KLHL36: variants seen among roughly 807,000 people sequenced by gnomAD.
The protein encoded by KLHL36 is kelch like family member 36, also known as kelch-like protein 36.
A neutral mutation model predicts 53.3 loss-of-function variants in KLHL36; 35 were observed. The ratio of observed to expected loss-of-function variants is 0.66; its 90% CI spans 0.50 to 0.87. KLHL36 has a LOEUF of 0.87. KLHL36 is among the 40% of genes least tolerant of loss of function. The pLI, the probability that KLHL36 is intolerant of heterozygous loss-of-function variation, is 0.00. For missense variants in KLHL36, 864 were observed against 897.6 expected, an observed-to-expected ratio of 0.96 and a Z score of 0.48; for synonymous variants, 472 against 398.9, an observed-to-expected ratio of 1.18 and a Z score of -2.18.
intron 3 of KLHL36, chr16:84,659,504 GT>G: frequency 2.2e-6 from 1 of 450,154 alleles, no homozygotes; most frequent in Non-Finnish European, 4.0e-6. Context: ...AAGTTCGGGG[GT>G]TCAGAGCATC....
chr16:84,664,577 GA>G lies in KLHL36; in HGVS notation c.*2445del, dbSNP rs1907737601. 6.6e-6 allele frequency: 1 copy of G among 152,182 alleles called. No individual in the cohort carries two copies. The highest frequency in any genetic ancestry group is 2.1e-4 in the South Asian group (1 of 4,824). The allele number at this position is 152,182 out of a possible 1,614,324, so 9.4% of individuals were successfully genotyped here. ...GGTGGTTTGTAATTGACATGGCTTT[GA>G]CCCTAATATTACTAAGGTTGGGACC... On this transcript the variant is annotated 3_prime_UTR_variant, in exon 5 of 5. Transcript: ENST00000564996.
Position 84,665,578 on chromosome 16 carries a change from A to C in KLHL36, c.*3445A>C, listed in dbSNP as rs909824830. 6.6e-6 allele frequency: 1 copy of C among 152,180 alleles called. No individual in the cohort carries two copies. The highest frequency in any genetic ancestry group is 2.4e-5 in the African/African-American group (1 of 41,422). 9.4% of individuals were successfully genotyped at this position (152,180 alleles called of 1,614,324 possible). On this transcript the variant is annotated 3_prime_UTR_variant, in exon 5 of 5. Coordinates refer to ENST00000564996, the MANE Select transcript of KLHL36 (RefSeq NM_024731.4). ...TTGAGGCTATCAAGTGGGACTTCAG[A>C]CCTGGCTCTGAGCAGGACCACACGT...
Position 84,661,528 on chromosome 16 carries a change from C to A in KLHL36, c.1296-50C>A. The A allele has an allele frequency of 6.6e-7, 1 of 1,523,188 alleles. No individual in the cohort carries two copies. Among genetic ancestry groups the A allele is most frequent in the Non-Finnish European group, 8.8e-7 (1 of 1,130,200 alleles). The allele number at this position is 1,523,188 out of a possible 1,614,324, so 94.4% of individuals were successfully genotyped here. ...TGTTCCCCGGCTCGGAGGGGGTAAG[C>A]CTGGCACAGCCCTGAGCTCTCCCTC... On this transcript the variant is annotated intron_variant, in intron 4 of 4. Transcript: ENST00000564996. This position sits in a 1 kb window ranked among gnomAD's most constrained non-coding sequence, Gnocchi z 7.9.
Position 84,662,126 on chromosome 16 carries a change from G to A in KLHL36, c.1844G>A (p.Gly615Asp), listed in dbSNP as rs762357606. The A allele has an allele frequency of 2.6e-6, 4 of 1,538,084 alleles. No individual in the cohort carries two copies. The highest frequency in any genetic ancestry group is 2.4e-5 in the South Asian group (2 of 83,930). The change falls in exon 5 of 5, where the codon GGC (glycine) becomes GAC (aspartate). Residue 615 changes from glycine (G) to aspartate (D), a missense_variant. Physicochemically the swap from Gly to Asp is moderately conservative, Grantham distance 94. Transcript: ENST00000564996. Reference sequence around the variant, plus strand: ...AAAGGCAAGAGGCACCAGGACCGGGGCCAGTGACCCTAGCTGCGCCTCTTG... The same window carrying A: ...AAAGGCAAGAGGCACCAGGACCGGGACCAGTGACCCTAGCTGCGCCTCTTG... ...KGKGKRHQDR[G>D]Q is the part of the protein sequence containing the mutation.
At position 84,662,115 on chromosome 16, in the gene KLHL36, C is replaced by A; in HGVS notation, c.1833C>A (p.His611Gln). 6.4e-7 allele frequency: 1 copy of A among 1,551,402 alleles called. No homozygotes were observed. Among genetic ancestry groups the A allele is most frequent in the African/African-American group, 1.3e-5 (1 of 74,380 alleles). The part of the protein sequence containing the change: ...DKKKKGKGKR[H>Q]QDRGQ ...AGAAGAAAGGCAAAGGCAAGAGGCACCAGGACCGGGGCCAGTGACCCTAGC... is the reference window on the plus strand; with the variant it reads ...AGAAGAAAGGCAAAGGCAAGAGGCAACAGGACCGGGGCCAGTGACCCTAGC... Residue 611 changes from histidine to glutamine, a missense_variant, in exon 5 of 5, where the codon CAC becomes CAA. Transcript: ENST00000564996.
At chr16:84,650,057 A>ATGG (rs1359366526) in intron 1 of KLHL36, among the ~76,000 whole-genome samples, 1 of 149,360 alleles carries the variant, frequency 6.7e-6, no homozygotes, top group Non-Finnish European at 1.5e-5. Flanking sequence ...AGTTAAGAGC[A>ATGG]TGGGCGCTTC....
chr16:84,652,029 T>A (rs550882058), intron 2 of KLHL36, among the ~76,000 whole-genome samples: 1 of 152,322 alleles, frequency 6.6e-6, no homozygotes, highest in East Asian at 1.9e-4. Flanking sequence ...TGACCTCCTG[T>A]TCTCACGTGA....
At chr16:84,655,185 G>A (rs1907129247) in intron 2 of KLHL36, among the ~76,000 whole-genome samples, 1 of 152,200 alleles carries the variant, frequency 6.6e-6, no homozygotes, top group African/African-American at 2.4e-5. Context: ...TCCACAGGCT[G>A]TGAGAATGTG....
rs116680199 is a variant in KLHL36, at chr16:84,657,488, C to G, written c.681C>G (p.His227Gln). 2.5e-6 allele frequency: 4 copies of G among 1,607,924 alleles called. No homozygotes were observed. In the African/African-American group the frequency reaches 4.0e-5, roughly 16 times the overall value. ...WLTQQPEREA[H>Q]ARQVLENIHF... ...CGCAGCAGCCCGAGCGCGAGGCCCA[C>G]GCCCGCCAGGTGCTGGAGAACATCC... The change falls in exon 3 of 5, where the codon CAC becomes CAG. Residue 227 changes from histidine to glutamine, a missense_variant. Physicochemically the swap from His to Gln is conservative, Grantham distance 24. Transcript: ENST00000564996.
chr16:84,661,932 C>T lies in KLHL36; in HGVS notation c.1650C>T (p.Ile550=). The T allele has an allele frequency of 5.6e-6, 9 of 1,601,158 alleles. No individual in the cohort carries two copies. Among genetic ancestry groups the T allele is most frequent in the Non-Finnish European group, 7.7e-6 (9 of 1,173,624 alleles). Residue 550 remains isoleucine, a synonymous_variant, in exon 5 of 5, where the codon ATC becomes ATT. Coordinates refer to ENST00000564996, the MANE Select transcript of KLHL36 (RefSeq NM_024731.4). The surrounding 1 kb of genome is among the most constrained non-coding windows in gnomAD (Gnocchi z 7.9). ...CAGTGTGGGAGGGCCGCATCTACATCCTGGGCGGCTACAGCTGGGAGAACA... is the reference window on the plus strand; with the variant it reads ...CAGTGTGGGAGGGCCGCATCTACATTCTGGGCGGCTACAGCTGGGAGAACA... ...GVAVWEGRIY[I]LGGYSWENTA... is the part of the protein sequence containing the mutation.
Position 84,657,485 on chromosome 16 carries a change from C to T in KLHL36, c.678C>T (p.Ala226=). The change falls in exon 3 of 5, where the codon GCC becomes GCT. Residue 226 remains alanine (A), a synonymous_variant. Transcript: ENST00000564996. ...TGACGCAGCAGCCCGAGCGCGAGGC[C>T]CACGCCCGCCAGGTGCTGGAGAACA... The part of the protein sequence containing the change: ...QWLTQQPERE[A]HARQVLENIH... The T allele has an allele frequency of 6.2e-7, 1 of 1,607,784 alleles. No homozygotes were observed. Among genetic ancestry groups the T allele is most frequent in the Non-Finnish European group, 8.5e-7 (1 of 1,179,862 alleles).
rs545906423 is a variant in KLHL36, at chr16:84,651,370, G to C, written c.63+440G>C. 3.9e-5 allele frequency among the ~76,000 whole-genome samples: 6 copies of C among 152,206 alleles called. No individual in the cohort carries two copies. In the East Asian group the frequency reaches 1.2e-3, roughly 29 times the overall value. ...CCAAGGGCCTGGAGTCGTCTTCCCT[G>C]GTCATGATTCCCTGCGACCTAAGAG... On this transcript the variant is annotated intron_variant, in intron 2 of 4. Transcript: ENST00000564996.
chr16:84,650,939 A>G lies in KLHL36; in HGVS notation c.63+9A>G. On this transcript the variant is annotated intron_variant, in intron 2 of 4. Transcript: ENST00000564996. ...TCAGCGAATCATCAAAGGTCTGTGA[A>G]TGTTCACTCACCACCTATGCAAATT... 6.2e-7 allele frequency: 1 copy of G among 1,606,502 alleles called. No homozygotes were observed. The highest frequency in any genetic ancestry group is 8.5e-7 in the Non-Finnish European group (1 of 1,176,474).
intron 4 of KLHL36, among the ~76,000 whole-genome samples, chr16:84,660,448 G>T (rs376306663): frequency 1.3e-5 from 2 of 152,100 alleles, no homozygotes; most frequent in Admixed American, 6.5e-5. Context: ...TCTCCCCTGC[G>T]TTCCGATGTG....
chr16:84,650,715 T>C (rs1382205233), intron 1 of KLHL36, 137 bp from the exon 2 acceptor site: 1 of 623,630 alleles, frequency 1.6e-6, no homozygotes, highest in African/African-American at 1.9e-5. Flanking sequence ...GAGTTCTTTG[T>C]AGTGCACGGT....
At chr16:84,651,280 G>A (rs1906859191) in intron 2 of KLHL36, among the ~76,000 whole-genome samples, 1 of 152,142 alleles carries the variant, frequency 6.6e-6, no homozygotes, top group South Asian at 2.1e-4. Flanking sequence ...AAACTCCAAG[G>A]ACAGGTCCAT....
rs1285099221 is a variant in KLHL36 at position 84,648,626 on chromosome 16, C to G, written c.-40C>G. 1 of 147,990 alleles carries G rather than the reference C, an allele frequency of 6.8e-6. No homozygotes were observed. Among genetic ancestry groups the G allele is most frequent in the African/African-American group, 2.4e-5 (1 of 40,918 alleles). The allele number at this position is 147,990 out of a possible 1,614,324, so 9.2% of individuals were successfully genotyped here. A position where few individuals can be genotyped will look rare whatever the true frequency, so the allele number is the denominator to read the frequency against. ...GCCCCGCCGCCGGGGCTGTCCCCGC[C>G]GCGTCCGTAGCGCGTCCTGCCAGGT... On this transcript the variant is annotated 5_prime_UTR_variant, in exon 1 of 5. Transcript: ENST00000564996. This position sits in a 1 kb window ranked among gnomAD's most constrained non-coding sequence, Gnocchi z 4.9.
At position 84,662,075 on chromosome 16, in the gene KLHL36, G is replaced by A. The variant is rs772394247; in HGVS notation, c.1793G>A (p.Arg598Gln). 155 of 1,576,242 alleles carry A rather than the reference G, an allele frequency of 9.8e-5. No homozygotes were observed. The highest frequency in any genetic ancestry group is 3.3e-4 in the Middle Eastern group (2 of 6,020). Residue 598 changes from arginine to glutamine, a missense_variant, in exon 5 of 5, where the codon CGG (arginine) becomes CAG (glutamine). By Grantham distance (43) the Arg-to-Gln change is conservative (BLOSUM62 1). Transcript: ENST00000564996. The part of the protein sequence containing the change: ...GSACVCALEP[R>Q]PEDKKKKGKG... Reference sequence around the variant, plus strand: ...GCCTGTGTCTGCGCCCTGGAGCCACGGCCAGAGGACAAGAAGAAGAAAGGC... The same window carrying A: ...GCCTGTGTCTGCGCCCTGGAGCCACAGCCAGAGGACAAGAAGAAGAAAGGC...
intron 3 of KLHL36, chr16:84,659,487 A>C: frequency 2.5e-6 from 1 of 405,168 alleles, no homozygotes; most frequent in Non-Finnish European, 4.5e-6. Flanking sequence ...TAACGACATG[A>C]CCAGAGAAGT....
Sources: allele counts gnomAD v4.1 joint callset (sites outside exome capture counted in the v4.1 genomes callset), GRCh38; gene constraint gnomAD v4.1.1; non-coding constraint Gnocchi (gnomAD v3.1); transcripts MANE v1.5; gene names NCBI Gene and HGNC (gene_info 2026-07-23, HGNC 2026-07-21).